FAR2: variants seen among roughly 807,000 people sequenced by gnomAD.
FAR2 encodes fatty acyl-CoA reductase 2.
FAR2 carries 19 observed loss-of-function variants against 56.0 expected under a neutral mutation model. The ratio of observed to expected loss-of-function variants is 0.34; its 90% confidence interval spans 0.24 to 0.50. FAR2 has a LOEUF of 0.50. Among genes scored for constraint, FAR2 ranks in the 20% least tolerant of loss-of-function variants. The probability of loss-of-function intolerance (pLI) is 0.98; values close to 1 mark genes in which losing one functional copy is unlikely to be tolerated. For synonymous variants in FAR2, 219 were observed against 218.8 expected, an observed-to-expected ratio of 1.00 and a Z score of -0.01; for missense variants, 508 against 642.2, an observed-to-expected ratio of 0.79 and a Z score of 2.26.
At chr12:29,273,185 TG>T (rs1289803616) in intron 2 of FAR2, among the ~76,000 whole-genome samples, 6 of 152,110 alleles carry the variant, frequency 3.9e-5, no homozygotes, top group Admixed American at 6.5e-5. Flanking sequence ...TGTGTTTCAC[TG>T]GGGGGAAACC....
chr12:29,326,086 C>T (rs1949640125), intron 10 of FAR2, among the ~76,000 whole-genome samples: 2 of 152,142 alleles, frequency 1.3e-5, no homozygotes, highest in African/African-American at 2.4e-5. Context: ...ACCGATCCCA[C>T]AGAAATACAA....
chr12:29,322,377 C>T (rs935247946), intron 10 of FAR2, among the ~76,000 whole-genome samples: 6 of 152,190 alleles, frequency 3.9e-5, no homozygotes, highest in African/African-American at 1.4e-4. Context: ...ACAGTTCCTT[C>T]CTTACCTTGT....
At position 29,334,621 on chromosome 12, in the gene FAR2, C is replaced by G. The variant is rs771785688; in HGVS notation, c.*827C>G. The G allele has an allele frequency of 8.5e-5, 13 of 152,118 alleles. No homozygotes were observed. The highest frequency in any genetic ancestry group is 1.3e-4 in the Non-Finnish European group (9 of 68,016). The allele number at this position is 152,118 out of a possible 1,614,324, so 9.4% of individuals were successfully genotyped here. A position where few individuals can be genotyped will look rare whatever the true frequency, so the allele number is the denominator to read the frequency against. On this transcript the variant is annotated 3_prime_UTR_variant, in exon 12 of 12. Transcript: ENST00000536681. ...CAAACCCTTTATATTTAAGCTTTTT[C>G]CACTCAGGACTCAATTAGAGTGGTC...
intron 1 of FAR2, chr12:29,172,048 ACTGT>A (rs1949892349): frequency 7.2e-6 from 1 of 138,042 alleles, no homozygotes; most frequent in African/African-American, 2.8e-5. Flanking sequence ...CCGGCCACCA[ACTGT>A]CTGGGAAGTG....
chr12:29,241,100 C>T (rs779091939), intron 1 of FAR2, among the ~76,000 whole-genome samples: 20 of 152,150 alleles, frequency 1.3e-4, no homozygotes, highest in Non-Finnish European at 2.4e-4. Flanking sequence ...GCCACGCACC[C>T]GGCCTCATTG....
At chr12:29,174,438 T>C (rs1296778706) in intron 1 of FAR2, among the ~76,000 whole-genome samples, 2 of 132,046 alleles carry the variant, frequency 1.5e-5, no homozygotes, top group Non-Finnish European at 3.2e-5. Context: ...TTTTTTTTTT[T>C]TTTTTTTTTT....
intron 1 of FAR2, among the ~76,000 whole-genome samples, chr12:29,264,007 G>T (rs1482617509): frequency 6.6e-6 from 1 of 151,802 alleles, no homozygotes; most frequent in African/African-American, 2.4e-5. Context: ...CACATCAAAG[G>T]AATAAAAGGA....
At chr12:29,251,990 C>G (rs568834997) in intron 1 of FAR2, among the ~76,000 whole-genome samples, 4 of 152,038 alleles carry the variant, frequency 2.6e-5, no homozygotes, top group African/African-American at 7.2e-5. Context: ...GGTCTTAGTT[C>G]GAGAGGGAGA....
At chr12:29,152,997 T>C (rs1422418716) in intron 1 of FAR2, among the ~76,000 whole-genome samples, 1 of 152,234 alleles carries the variant, frequency 6.6e-6, no homozygotes, top group African/African-American at 2.4e-5. Flanking sequence ...TGAAGTTTTA[T>C]GTAAGGAAAA....
At chr12:29,279,330 C>T (rs1162342211) in intron 2 of FAR2, among the ~76,000 whole-genome samples, 4 of 152,242 alleles carry the variant, frequency 2.6e-5, no homozygotes, top group African/African-American at 9.6e-5. Flanking sequence ...ACACTTGCCT[C>T]GGACTGCCTA....
At chr12:29,200,648 T>C (rs1026305386) in intron 1 of FAR2, among the ~76,000 whole-genome samples, 1 of 152,210 alleles carries the variant, frequency 6.6e-6, no homozygotes, top group Admixed American at 6.5e-5. Flanking sequence ...TAGATCTGGC[T>C]GGAGGCAGCC....
At chr12:29,304,850 G>A (rs1033710085) in intron 4 of FAR2, among the ~76,000 whole-genome samples, 1 of 152,142 alleles carries the variant, frequency 6.6e-6, no homozygotes, top group Non-Finnish European at 1.5e-5. Context: ...TGAGTATACT[G>A]GAGGACATTT....
At chr12:29,234,590 A>G (rs886845170) in intron 1 of FAR2, among the ~76,000 whole-genome samples, 3 of 152,158 alleles carry the variant, frequency 2.0e-5, no homozygotes, top group African/African-American at 7.2e-5. Flanking sequence ...CCACACTGCA[A>G]CTGGTCAACT....
At chr12:29,208,865 G>A (rs1303751108) in intron 1 of FAR2, among the ~76,000 whole-genome samples, 3 of 152,120 alleles carry the variant, frequency 2.0e-5, no homozygotes, top group Non-Finnish European at 2.9e-5. Flanking sequence ...GTAGTGCGGG[G>A]AAAATGAGCA....
chr12:29,327,003 C>T (rs1949659811), intron 10 of FAR2, among the ~76,000 whole-genome samples: 1 of 152,022 alleles, frequency 6.6e-6, no homozygotes, highest in Non-Finnish European at 1.5e-5. Context: ...TCTAGAAAAC[C>T]CCATCATCTC....
intron 2 of FAR2, chr12:29,277,932 C>CTTTTTTTTTT (rs59443228): frequency 1.7e-5 from 2 of 115,488 alleles, no homozygotes; most frequent in Non-Finnish European, 3.4e-5. Flanking sequence ...TATTTTCTTT[C>CTTTTTTTTTT]TTTTTTTTTT....
At chr12:29,313,447 T>C (rs966442561) in intron 8 of FAR2, among the ~76,000 whole-genome samples, 2 of 152,186 alleles carry the variant, frequency 1.3e-5, no homozygotes, top group African/African-American at 4.8e-5. Flanking sequence ...TTTAATTCAG[T>C]TTGCTAATAT....
chr12:29,274,720 G>T (rs1235058290), intron 2 of FAR2, among the ~76,000 whole-genome samples: 1 of 151,762 alleles, frequency 6.6e-6, no homozygotes, highest in Non-Finnish European at 1.5e-5. Flanking sequence ...TCCTTCTCCT[G>T]GCTCATTCTG....
intron 4 of FAR2, 46 bp from the exon 5 acceptor site, chr12:29,307,612 A>G: frequency 4.6e-6 from 7 of 1,518,374 alleles, no homozygotes; most frequent in Non-Finnish European, 6.2e-6. Context: ...CTTTTGGTTT[A>G]TTGTCTAACA....
Sources: gnomAD v4.1 joint callset for allele counts (sites outside exome capture counted in the v4.1 genomes callset) on GRCh38, gnomAD v4.1.1 for gene constraint, MANE v1.5 for transcripts, NCBI Gene and HGNC (gene_info 2026-07-23, HGNC 2026-07-21) for gene names.